The following UBE2D2 variants were observed in gnomAD, a reference collection of about 807,000 sequenced individuals.
UBE2D2 encodes ubiquitin conjugating enzyme E2 D2, also known as ubiquitin-conjugating enzyme E2 D2.
A neutral mutation model predicts 24.2 loss-of-function variants in UBE2D2; 2 were observed. That is an observed-to-expected ratio of 0.08 (90% confidence interval 0.03 to 0.26). The LOEUF is 0.26. UBE2D2 is among the 10% of genes least tolerant of loss of function. The pLI is 1.00. For missense variants in UBE2D2, 44 were observed against 177.6 expected (o/e 0.25, Z 4.28); for synonymous variants, 58 against 56.5 (o/e 1.03, Z -0.12).
intron 1 of UBE2D2, among the ~76,000 whole-genome samples, chr5:139,566,133 C>T (rs1453848706): frequency 6.6e-6 from 1 of 151,648 alleles, no homozygotes; most frequent in Non-Finnish European, 1.5e-5. Flanking sequence ...GTTCTCTTGC[C>T]TCAGACTCCC....
At position 139,627,824 on chromosome 5, in the gene UBE2D2, T is replaced by C. The variant is rs1032183906; in HGVS notation, c.*1023T>C. On this transcript the variant is annotated 3_prime_UTR_variant, in exon 7 of 7. Coordinates refer to ENST00000398733, the MANE Select transcript of UBE2D2 (RefSeq NM_003339.3). ...GATCATGAAACAATTCCAGTTACAT[T>C]GTAAAAAGGATATCTTACGAGTAAT... 2 of 152,674 alleles carry C rather than the reference T, an allele frequency of 1.3e-5. No individual in the cohort carries two copies. Among genetic ancestry groups the C allele is most frequent in the African/African-American group, 2.4e-5 (1 of 41,466 alleles). The allele number at this position is 152,674 out of a possible 1,614,324, so 9.5% of individuals were successfully genotyped here. A position where few individuals can be genotyped will look rare whatever the true frequency, so the allele number is the denominator to read the frequency against.
intron 2 of UBE2D2, among the ~76,000 whole-genome samples, chr5:139,607,266 G>A (rs1054260346): frequency 3.9e-5 from 6 of 152,188 alleles, no homozygotes; most frequent in Non-Finnish European, 8.8e-5. Flanking sequence ...TATTCAACCA[G>A]TGTGACAAAA....
chr5:139,537,526 A>G (rs1752701620), intron 1 of UBE2D2, among the ~76,000 whole-genome samples: 1 of 151,840 alleles, frequency 6.6e-6, no homozygotes, highest in African/African-American at 2.4e-5. Flanking sequence ...CCCCGGCTGG[A>G]GTGCAGTGGT....
At chr5:139,559,560 T>A (rs1753029248), upstream of UBE2D2, among the ~76,000 whole-genome samples, 1 of 152,168 alleles carries the variant, frequency 6.6e-6, no homozygotes, top group Admixed American at 6.5e-5. Context: ...CCTGAACCAC[T>A]GGATACAATT....
At chr5:139,583,649 C>T (rs1330496972) in intron 1 of UBE2D2, among the ~76,000 whole-genome samples, 2 of 152,098 alleles carry the variant, frequency 1.3e-5, no homozygotes, top group Non-Finnish European at 2.9e-5. Flanking sequence ...GTAGTCTCAG[C>T]TACTCGGGAG....
At chr5:139,594,597 A>G (rs1169838677) in intron 1 of UBE2D2, among the ~76,000 whole-genome samples, 1 of 152,028 alleles carries the variant, frequency 6.6e-6, no homozygotes, top group Non-Finnish European at 1.5e-5. Flanking sequence ...TATTTTTAGT[A>G]CAGTCCAGGT....
chr5:139,591,256 TA>T (rs1753840961), intron 1 of UBE2D2, among the ~76,000 whole-genome samples: 1 of 150,870 alleles, frequency 6.6e-6, no homozygotes, highest in African/African-American at 2.4e-5. Context: ...AAGTAGCTGG[TA>T]TTACAGGCAT....
At chr5:139,621,980 C>A (rs1412312638) in intron 5 of UBE2D2, among the ~76,000 whole-genome samples, 1 of 152,088 alleles carries the variant, frequency 6.6e-6, no homozygotes, top group Non-Finnish European at 1.5e-5. Context: ...TTTATGGGAT[C>A]TGAAAAATGT....
upstream of UBE2D2, among the ~76,000 whole-genome samples, chr5:139,558,345 TGGC>T (rs1753007970): frequency 6.6e-6 from 1 of 152,210 alleles, no homozygotes. Context: ...TGGAGTGCAG[TGGC>T]GCGATCTCAG....
intron 1 of UBE2D2, among the ~76,000 whole-genome samples, chr5:139,527,974 T>C (rs942944908): frequency 3.3e-5 from 5 of 152,232 alleles, no homozygotes; most frequent in Admixed American, 6.5e-5. Context: ...GTGGACTGCA[T>C]GGTAGCTCTT....
At chr5:139,626,655 A>G (rs991535337) in intron 6 of UBE2D2, 101 bp from the exon 7 acceptor site, 2 of 961,834 alleles carry the variant, frequency 2.1e-6, no homozygotes, top group Non-Finnish European at 3.3e-6. Context: ...TGAATGTCCT[A>G]TAAGCTACTC....
chr5:139,570,528 T>A (rs2126654564), intron 1 of UBE2D2, among the ~76,000 whole-genome samples: 1 of 150,538 alleles, frequency 6.6e-6, no homozygotes, highest in Admixed American at 6.6e-5. Flanking sequence ...TTGTTTTTAT[T>A]TGAGATGGAG....
intron 1 of UBE2D2, among the ~76,000 whole-genome samples, chr5:139,555,920 A>G (rs1264610616): frequency 1.0e-5 from 1 of 97,128 alleles, no homozygotes; most frequent in Admixed American, 1.3e-4. Flanking sequence ...GGAAGACTCC[A>G]TCTCAAAAAA....
At chr5:139,556,798 G>T (rs1188948102), upstream of UBE2D2, among the ~76,000 whole-genome samples, 1 of 148,468 alleles carries the variant, frequency 6.7e-6, no homozygotes, top group Non-Finnish European at 1.5e-5. Context: ...TATCACAATT[G>T]ACACAAGAAG....
At chr5:139,626,643 C>T (rs1215817934) in intron 6 of UBE2D2, 113 bp from the exon 7 acceptor site, 1 of 843,652 alleles carries the variant, frequency 1.2e-6, no homozygotes, top group East Asian at 2.5e-5. Context: ...GGGGCCTTTC[C>T]TTGAATGTCC....
chr5:139,597,950 G>A (rs892168540), intron 1 of UBE2D2, among the ~76,000 whole-genome samples: 2 of 152,120 alleles, frequency 1.3e-5, no homozygotes. Context: ...CGCCCAGGCT[G>A]GAGTGCAGTG....
intron 1 of UBE2D2, among the ~76,000 whole-genome samples, chr5:139,553,893 C>T (rs889775639): frequency 4.6e-5 from 7 of 152,100 alleles, no homozygotes; most frequent in Non-Finnish European, 1.0e-4. Flanking sequence ...GATTCTCGTG[C>T]CTCAGCCTCC....
intron 1 of UBE2D2, among the ~76,000 whole-genome samples, chr5:139,598,099 C>T (rs1469911333): frequency 6.6e-6 from 1 of 152,076 alleles, no homozygotes; most frequent in Non-Finnish European, 1.5e-5. Flanking sequence ...GATGGGGTTT[C>T]ACCATGTTAG....
rs1486628909 is a variant in UBE2D2, at chr5:139,623,377, CCATCTGTT to C, written c.316_323del (p.Ile106SerfsTer4). On this transcript the variant is annotated frameshift_variant, in exon 6 of 7. Transcript: ENST00000398733. LOFTEE classifies it high-confidence loss of function. ...ATTTTTTTCATTCTAGTACTCTTGT[CCATCTGTT>C]CTCTGTTGTGTGATCCCAATCCAGA... The C allele has an allele frequency of 6.3e-7, 1 of 1,587,648 alleles. No individual in the cohort carries two copies.
Sources: gnomAD v4.1 joint callset for allele counts (sites outside exome capture counted in the v4.1 genomes callset) on GRCh38, gnomAD v4.1.1 for gene constraint, MANE v1.5 for transcripts, NCBI Gene and HGNC (gene_info 2026-07-23, HGNC 2026-07-21) for gene names.